The following EYS variants were observed in gnomAD, a reference collection of about 807,000 sequenced individuals.
The protein encoded by EYS is protein eyes shut homolog.
In EYS, 250 loss-of-function variants were observed where a neutral mutation model predicts 282.1. The ratio of observed to expected loss-of-function variants is 0.89; its 90% CI spans 0.80 to 0.98. The LOEUF is 0.98. Ranked by LOEUF, EYS falls within the 50% of genes least tolerant of loss-of-function variation. The probability of loss-of-function intolerance (pLI) is 0.00; values close to 1 mark genes in which losing one functional copy is unlikely to be tolerated. For synonymous variants in EYS, 1,355 were observed against 1,282.9 expected (o/e 1.06, Z -1.20); for missense variants, 4,016 against 3,709.0 (o/e 1.08, Z -2.15).
In EYS at chr6:63,999,079, G is replaced by A. The variant is rs1323615607; in HGVS notation, c.6830C>T (p.Ser2277Phe). The change falls in exon 34 of 43, where the codon TCT becomes TTT. Residue 2277 changes from serine to phenylalanine, a missense_variant. Ser to Phe is a radical substitution (Grantham distance 155, BLOSUM62 -2). Transcript: ENST00000503581. ...ACTGGATATTTGCATACCTACCTGA[G>A]AGGCATGGGAAATCTCTGTGTCTTT... ...QKKDTEISHA[S>F]QAYFESMFLG... 1.9e-6 allele frequency: 3 copies of A among 1,541,666 alleles called. No homozygotes were observed. The Admixed American group carries it at 5.9e-5, about 30-fold the overall frequency.
chr6:65,573,125 G>C (rs1421017886), intron 2 of EYS, among the ~76,000 whole-genome samples: 1 of 152,100 alleles, frequency 6.6e-6, no homozygotes, highest in East Asian at 1.9e-4. Flanking sequence ...AGATTGCGGA[G>C]TGGGCATAGC....
At chr6:64,334,676 T>C (rs1770776886) in intron 29 of EYS, among the ~76,000 whole-genome samples, 1 of 152,158 alleles carries the variant, frequency 6.6e-6, no homozygotes, top group South Asian at 2.1e-4. Context: ...AGGAGAGATG[T>C]TATTTATCAG....
chr6:63,991,733 G>A (rs1767611603), intron 34 of EYS, among the ~76,000 whole-genome samples: 1 of 151,502 alleles, frequency 6.6e-6, no homozygotes, highest in Non-Finnish European at 1.5e-5. Flanking sequence ...GGAAGAAAAT[G>A]TACACCCAGA....
intron 12 of EYS, among the ~76,000 whole-genome samples, chr6:65,113,638 GTTC>G (rs1561972496): frequency 6.6e-6 from 1 of 151,972 alleles, no homozygotes; most frequent in Admixed American, 6.6e-5. Context: ...TTCATGCCAT[GTTC>G]TTCTTTACTT....
chr6:65,012,583 T>C (rs996581114), intron 13 of EYS, among the ~76,000 whole-genome samples: 3 of 152,026 alleles, frequency 2.0e-5, no homozygotes, highest in Admixed American at 6.6e-5. Context: ...GGTTTCAAAG[T>C]TGAGAAGTAC....
chr6:65,424,525 A>AAT (rs1314026550), intron 5 of EYS, among the ~76,000 whole-genome samples: 1 of 151,992 alleles, frequency 6.6e-6, no homozygotes, highest in Non-Finnish European at 1.5e-5. Context: ...TGTGCTTGAA[A>AAT]ATATATTACA....
chr6:65,622,658 G>T (rs899647322), intron 2 of EYS, among the ~76,000 whole-genome samples: 1 of 151,998 alleles, frequency 6.6e-6, no homozygotes, highest in Non-Finnish European at 1.5e-5. Flanking sequence ...GTACTTCAAA[G>T]CAGACTATCA....
chr6:65,510,110 C>A (rs943648664), intron 2 of EYS, among the ~76,000 whole-genome samples: 3 of 150,516 alleles, frequency 2.0e-5, no homozygotes, highest in African/African-American at 7.3e-5. Flanking sequence ...CATGCTGGTG[C>A]GCTGCACCCA....
At chr6:63,859,687 A>T (rs555671350) in intron 36 of EYS, among the ~76,000 whole-genome samples, 1 of 152,036 alleles carries the variant, frequency 6.6e-6, no homozygotes, top group African/African-American at 2.4e-5. Context: ...AAGGAGAGGC[A>T]ACAGGAAGTG....
intron 39 of EYS, among the ~76,000 whole-genome samples, chr6:63,785,614 C>A (rs961795513): frequency 2.0e-5 from 3 of 149,166 alleles, no homozygotes; most frequent in Non-Finnish European, 4.6e-5. Context: ...AATAATGGTT[C>A]ATTATAAGCC....
intron 22 of EYS, among the ~76,000 whole-genome samples, chr6:64,751,757 A>G (rs557808952): frequency 6.6e-6 from 1 of 152,320 alleles, no homozygotes; most frequent in East Asian, 1.9e-4. Flanking sequence ...GACTTGAGGA[A>G]CAACATAAAC....
chr6:64,704,908 A>G (rs1397689904), intron 22 of EYS, among the ~76,000 whole-genome samples: 1 of 152,132 alleles, frequency 6.6e-6, no homozygotes, highest in Non-Finnish European at 1.5e-5. Context: ...TTCCCGTTGA[A>G]AACTGGAACA....
intron 34 of EYS, among the ~76,000 whole-genome samples, chr6:63,997,758 T>A (rs1289619642): frequency 6.6e-6 from 1 of 152,210 alleles, no homozygotes; most frequent in South Asian, 2.1e-4. Flanking sequence ...CAAAAAGATA[T>A]TTATTGAGCA....
At chr6:64,659,004 C>A (rs942326481) in intron 22 of EYS, among the ~76,000 whole-genome samples, 36 of 152,186 alleles carry the variant, frequency 2.4e-4, no homozygotes, top group African/African-American at 8.4e-4. Context: ...CACTCCTCAG[C>A]AAATGCAAAA....
At chr6:65,068,575 T>G (rs1561949988) in intron 12 of EYS, among the ~76,000 whole-genome samples, 1 of 152,066 alleles carries the variant, frequency 6.6e-6, no homozygotes, top group Non-Finnish European at 1.5e-5. Flanking sequence ...CCTGTGTGTC[T>G]ATGTACCAAC....
At chr6:65,176,437 G>A (rs1440286005) in intron 12 of EYS, among the ~76,000 whole-genome samples, 1 of 151,430 alleles carries the variant, frequency 6.6e-6, no homozygotes, top group Non-Finnish European at 1.5e-5. Context: ...TTAGTGAATA[G>A]TAAAGATTCA....
intron 12 of EYS, among the ~76,000 whole-genome samples, chr6:65,200,428 A>T (rs938489154): frequency 6.6e-6 from 1 of 151,582 alleles, no homozygotes; most frequent in Non-Finnish European, 1.5e-5. Context: ...GTCCCTATGA[A>T]TAGGTTAAAT....
rs369462166 is a variant in EYS, at chr6:64,559,012, G to A, written c.5644+31211C>T. Among the ~76,000 whole-genome samples the A allele has an allele frequency of 3.3e-5, 5 of 152,174 alleles. No individual in the cohort carries two copies. In the South Asian group the frequency reaches 8.3e-4, roughly 25 times the overall value. ...ACTTGTTAACTAATAGTTACATGCA[G>A]TTTTTAAATATTTTTGTTTGTTTGA... On this transcript the variant is annotated intron_variant, in intron 26 of 42. Transcript: ENST00000503581.
chr6:65,152,489 A>G (rs960282920), intron 12 of EYS, among the ~76,000 whole-genome samples: 1 of 151,974 alleles, frequency 6.6e-6, no homozygotes, highest in Non-Finnish European at 1.5e-5. Flanking sequence ...ACCAGGGCAC[A>G]TGCACAGAAG....
Sources: gnomAD v4.1 joint callset for allele counts (sites outside exome capture counted in the v4.1 genomes callset) on GRCh38, gnomAD v4.1.1 for gene constraint, MANE v1.5 for transcripts, NCBI Gene and HGNC (gene_info 2026-07-23, HGNC 2026-07-21) for gene names.